The following SUPT3H variants were observed in gnomAD, a reference collection of about 807,000 sequenced individuals.
SUPT3H encodes transcription initiation protein SPT3 homolog.
In SUPT3H, 44 loss-of-function variants were observed where a neutral mutation model predicts 44.3. The observed-to-expected ratio is 0.99, with a 90% CI of 0.78 to 1.28. The LOEUF is 1.28. Ranked by LOEUF, SUPT3H falls within the 50% of genes most tolerant of loss-of-function variation. The pLI, the probability that SUPT3H is intolerant of heterozygous loss-of-function variation, is 0.00. For missense variants in SUPT3H, 380 were observed against 387.1 expected, an observed-to-expected ratio of 0.98 and a Z score of 0.15; for synonymous variants, 124 against 125.6, an observed-to-expected ratio of 0.99 and a Z score of 0.09.
At chr6:44,914,591 C>T (rs1767534846) in intron 10 of SUPT3H, among the ~76,000 whole-genome samples, 1 of 152,120 alleles carries the variant, frequency 6.6e-6, no homozygotes, top group African/African-American at 2.4e-5. Context: ...CCTGCAGTTA[C>T]CCATATGCAA....
intron 2 of SUPT3H, among the ~76,000 whole-genome samples, chr6:45,178,428 A>G (rs535668327): frequency 5.9e-5 from 9 of 152,168 alleles, no homozygotes; most frequent in African/African-American, 2.2e-4. Flanking sequence ...CTCCTGAGTG[A>G]CCTACAAAGA....
chr6:45,178,011 C>T (rs1812323845), intron 2 of SUPT3H, among the ~76,000 whole-genome samples: 1 of 152,136 alleles, frequency 6.6e-6, no homozygotes, highest in Non-Finnish European at 1.5e-5. Flanking sequence ...ACTGCATCAA[C>T]TAACGAGCAA....
intron 3 of SUPT3H, chr6:45,098,662 A>T (rs1798127041): frequency 3.0e-6 from 1 of 330,218 alleles, no homozygotes. Context: ...AGTGGGCTTC[A>T]ATCATGCCCC....
chr6:45,204,250 A>AAAGAAGAAG (rs59918814), intron 2 of SUPT3H, among the ~76,000 whole-genome samples: 2,434 of 143,122 alleles, frequency 0.017, 53 homozygotes, highest in African/African-American at 0.039. Context: ...CCGTCTCAAA[A>AAAGAAGAAG]AAGAAGAAGA....
At chr6:44,865,211 A>C (rs546486955) in intron 10 of SUPT3H, among the ~76,000 whole-genome samples, 15 of 151,978 alleles carry the variant, frequency 9.9e-5, no homozygotes, top group Non-Finnish European at 1.9e-4. Flanking sequence ...TTCACTGTCC[A>C]CTCCATATCA....
chr6:45,017,196 GTTT>G (rs1217490476), intron 4 of SUPT3H, among the ~76,000 whole-genome samples: 1 of 149,386 alleles, frequency 6.7e-6, no homozygotes, highest in African/African-American at 2.5e-5. Context: ...GGGGTTGTTT[GTTT>G]TTTTCTTGTA....
chr6:45,061,975 T>A (rs1359964852), intron 3 of SUPT3H, among the ~76,000 whole-genome samples: 2 of 150,122 alleles, frequency 1.3e-5, no homozygotes, highest in Non-Finnish European at 3.0e-5. Flanking sequence ...TATGAACACT[T>A]ACACACTAAA....
At chr6:45,077,196 T>C (rs566123748) in intron 3 of SUPT3H, among the ~76,000 whole-genome samples, 84 of 152,284 alleles carry the variant, frequency 5.5e-4, no homozygotes, top group Middle Eastern at 3.4e-3. Flanking sequence ...TGACACTTTA[T>C]AAAACATTAC....
intron 6 of SUPT3H, among the ~76,000 whole-genome samples, chr6:44,994,837 A>G (rs1781067265): frequency 6.6e-6 from 1 of 152,152 alleles, no homozygotes; most frequent in South Asian, 2.1e-4. Flanking sequence ...TGTGAACTTC[A>G]ATATCAAACC....
intron 2 of SUPT3H, among the ~76,000 whole-genome samples, chr6:45,298,711 T>G (rs988695674): frequency 6.6e-6 from 1 of 152,188 alleles, no homozygotes; most frequent in East Asian, 1.9e-4. Flanking sequence ...TTGGCCAATG[T>G]AATTGTTACT....
intron 3 of SUPT3H, among the ~76,000 whole-genome samples, chr6:45,069,939 A>T (rs530085108): frequency 2.6e-5 from 4 of 152,266 alleles, no homozygotes; most frequent in Admixed American, 2.6e-4. Context: ...TGCGGGTAGC[A>T]GCATTTCTAA....
chr6:45,087,660 CTAATAA>C (rs1796637937), intron 3 of SUPT3H, among the ~76,000 whole-genome samples: 2 of 151,472 alleles, frequency 1.3e-5, no homozygotes, highest in South Asian at 4.2e-4. Flanking sequence ...TAATTTACAC[CTAATAA>C]TAATAATATA....
At chr6:44,957,426 T>A (rs1775376550) in intron 7 of SUPT3H, among the ~76,000 whole-genome samples, 1 of 152,098 alleles carries the variant, frequency 6.6e-6, no homozygotes, top group African/African-American at 2.4e-5. Flanking sequence ...CTGCGATAGC[T>A]CACAAACACT....
At chr6:45,305,361 T>C (rs1782827039) in intron 2 of SUPT3H, among the ~76,000 whole-genome samples, 1 of 152,350 alleles carries the variant, frequency 6.6e-6, no homozygotes, top group South Asian at 2.1e-4. Flanking sequence ...TTATTACACA[T>C]ATAAAATGAA....
chr6:45,209,477 GGAAGTAACTGCT>G (rs1763737432), intron 2 of SUPT3H, among the ~76,000 whole-genome samples: 1 of 152,196 alleles, frequency 6.6e-6, no homozygotes, highest in Non-Finnish European at 1.5e-5. Context: ...ATTCAGAGCA[GGAAGTAACTGCT>G]GATGTGGTAG....
intron 2 of SUPT3H, among the ~76,000 whole-genome samples, chr6:45,235,069 A>C (rs1431441168): frequency 2.6e-5 from 4 of 152,230 alleles, no homozygotes; most frequent in African/African-American, 7.2e-5. Context: ...GAGAATGGAA[A>C]GAAATTAAAA....
chr6:45,237,626 A>G (rs1333999258), intron 2 of SUPT3H, among the ~76,000 whole-genome samples: 1 of 152,200 alleles, frequency 6.6e-6, no homozygotes, highest in Admixed American at 6.5e-5. Flanking sequence ...TTTTGATGGC[A>G]GCCATTGTTA....
intron 6 of SUPT3H, among the ~76,000 whole-genome samples, chr6:44,976,600 T>C (rs1431930054): frequency 6.6e-6 from 1 of 152,156 alleles, no homozygotes; most frequent in Non-Finnish European, 1.5e-5. Context: ...TGACCTCAAG[T>C]GATCTGCCCG....
intron 3 of SUPT3H, among the ~76,000 whole-genome samples, chr6:45,030,727 G>A (rs1786785663): frequency 6.6e-6 from 1 of 152,174 alleles, no homozygotes; most frequent in Admixed American, 6.5e-5. Context: ...AGTAAGGAAA[G>A]TTGATATCTA....
Sources: allele counts gnomAD v4.1 joint callset (sites outside exome capture counted in the v4.1 genomes callset), GRCh38; gene constraint gnomAD v4.1.1; transcripts MANE v1.5; gene names NCBI Gene and HGNC (gene_info 2026-07-23, HGNC 2026-07-21).